The following CPEB3 variants were observed in gnomAD, a reference collection of about 807,000 sequenced individuals.
The protein encoded by CPEB3 is cytoplasmic polyadenylation element binding protein 3.
A neutral mutation model predicts 67.2 loss-of-function variants in CPEB3; 20 were observed. That is an observed-to-expected ratio of 0.30 (90% CI 0.21 to 0.43). The LOEUF (loss-of-function observed/expected upper bound fraction) is 0.43, where lower values mean the gene tolerates loss of function less well. Among genes scored for constraint, CPEB3 ranks in the 20% least tolerant of loss-of-function variants. The pLI is 1.00. For synonymous variants in CPEB3, 376 were observed against 393.1 expected, an observed-to-expected ratio of 0.96 and a Z score of 0.51; for missense variants, 746 against 968.6, an observed-to-expected ratio of 0.77 and a Z score of 3.05.
At chr10:92,243,659 G>C (rs977379497) in intron 1 of CPEB3, among the ~76,000 whole-genome samples, 1 of 152,006 alleles carries the variant, frequency 6.6e-6, no homozygotes, top group African/African-American at 2.4e-5. Context: ...GCAAGGGAGG[G>C]GGAACTACTG....
intron 2 of CPEB3, among the ~76,000 whole-genome samples, chr10:92,230,019 C>T (rs1316792905): frequency 6.6e-6 from 1 of 151,864 alleles, no homozygotes; most frequent in East Asian, 1.9e-4. Context: ...GCACTCCAGC[C>T]TAGGCAACGA....
In CPEB3 at chr10:92,091,891, A is replaced by C; in HGVS notation, c.1626T>G (p.Ser542=). The C allele has an allele frequency of 6.2e-7, 1 of 1,613,976 alleles. No individual in the cohort carries two copies. Among genetic ancestry groups the C allele is most frequent in the Non-Finnish European group, 8.5e-7 (1 of 1,179,968 alleles). Residue 542 remains serine, a synonymous_variant, in exon 8 of 10, where the codon TCT becomes TCG. Transcript: ENST00000265997. ...LSDSDFVMDG[S]QPLDPRKTIF... ...TAGTTTTTCTGGGGTCCAAAGGCTG[A>C]GAACCATCCATTACAAAGTCACTGT...
At chr10:92,098,043 C>T (rs1037239208) in intron 7 of CPEB3, among the ~76,000 whole-genome samples, 1 of 151,162 alleles carries the variant, frequency 6.6e-6, no homozygotes, top group East Asian at 2.0e-4. Context: ...TGCCTGTAAT[C>T]CCAGCTACTT....
At chr10:92,248,032 T>C (rs558105023) in intron 1 of CPEB3, among the ~76,000 whole-genome samples, 1 of 152,304 alleles carries the variant, frequency 6.6e-6, no homozygotes, top group Non-Finnish European at 1.5e-5. Context: ...ATAAAAATAC[T>C]TCACAGAATT....
chr10:92,131,673 G>A (rs141543491), intron 6 of CPEB3, among the ~76,000 whole-genome samples: 86 of 152,218 alleles, frequency 5.6e-4, no homozygotes, highest in African/African-American at 2.1e-3. Flanking sequence ...TAACTAACTA[G>A]GGCTACAAAT....
At chr10:92,058,552 AATACATACATACATAC>A (rs58987766) in intron 9 of CPEB3, among the ~76,000 whole-genome samples, 15 of 138,688 alleles carry the variant, frequency 1.1e-4, no homozygotes, top group Admixed American at 5.2e-4. Context: ...CCATCTCAAA[AATACATACATACATAC>A]ATACATACAT....
At position 92,239,683 on chromosome 10, in the gene CPEB3, G is replaced by T; in HGVS notation, c.668C>A (p.Ser223Tyr). 6.4e-7 allele frequency: 1 copy of T among 1,569,960 alleles called. No homozygotes were observed. Among genetic ancestry groups the T allele is most frequent in the Non-Finnish European group, 8.6e-7 (1 of 1,161,304 alleles). Residue 223 changes from serine to tyrosine, a missense_variant, in exon 2 of 10, where the codon TCT becomes TAT. By Grantham distance (144) the Ser-to-Tyr change is moderately radical (BLOSUM62 -2). This residue lies in a region of CPEB3 where 643 missense variants were observed against 717.5 expected (regional missense o/e 0.90). Transcript: ENST00000265997. The surrounding 1 kb of genome is among the most constrained non-coding windows in gnomAD (Gnocchi z 6.0). ...GGCAGCAGCGGCTGCAACCGCCGAA[G>T]ACGAGGACGGCTTGCTGGTCATGAT... ...QPIMTSKPSS[S>Y]SAVAAAAAAA...
At chr10:92,055,951 G>C (rs1408392594) in intron 9 of CPEB3, among the ~76,000 whole-genome samples, 1 of 152,228 alleles carries the variant, frequency 6.6e-6, no homozygotes, top group Non-Finnish European at 1.5e-5. Context: ...CCAAGAGATA[G>C]AAGCTGCAGT....
chr10:92,065,361 C>T (rs190823503), intron 9 of CPEB3, among the ~76,000 whole-genome samples: 9 of 152,288 alleles, frequency 5.9e-5, no homozygotes, highest in African/African-American at 1.7e-4. Context: ...GCTGGAATTA[C>T]AGGCATGTGC....
chr10:92,067,388 T>C (rs1842593063), intron 9 of CPEB3, among the ~76,000 whole-genome samples: 1 of 151,526 alleles, frequency 6.6e-6, no homozygotes, highest in Non-Finnish European at 1.5e-5. Flanking sequence ...TAGTCCCAGC[T>C]ACTTGGGAGG....
At position 92,048,134 on chromosome 10, in the gene CPEB3, A is replaced by G. The variant is rs1852164189; in HGVS notation, c.*4078T>C. 1 of 152,316 alleles carries G rather than the reference A, an allele frequency of 6.6e-6. No homozygotes were observed. Among genetic ancestry groups the G allele is most frequent in the Non-Finnish European group, 1.5e-5 (1 of 68,104 alleles). The allele number at this position is 152,316 out of a possible 1,614,324, so 9.4% of individuals were successfully genotyped here. On this transcript the variant is annotated 3_prime_UTR_variant, in exon 10 of 10. Transcript: ENST00000265997. The surrounding 1 kb of genome is among the most constrained non-coding windows in gnomAD (Gnocchi z 4.1). ...GCAACCCGACACATAGTCAGGGTCC[A>G]CAGACAGTGGTGACATCCGAGTGTG...
intron 7 of CPEB3, among the ~76,000 whole-genome samples, chr10:92,108,585 A>G (rs559282898): frequency 6.6e-6 from 1 of 152,324 alleles, no homozygotes; most frequent in Non-Finnish European, 1.5e-5. Context: ...TTCCTATCCT[A>G]AGTTTTACTA....
At chr10:92,158,457 AC>A (rs945776837) in intron 4 of CPEB3, among the ~76,000 whole-genome samples, 1 of 152,178 alleles carries the variant, frequency 6.6e-6, no homozygotes, top group African/African-American at 2.4e-5. Flanking sequence ...ATTCTAAATA[AC>A]TAAAAACTGT....
intron 3 of CPEB3, among the ~76,000 whole-genome samples, chr10:92,184,664 T>C (rs1410609784): frequency 6.6e-6 from 1 of 152,160 alleles, no homozygotes; most frequent in Non-Finnish European, 1.5e-5. Context: ...CAGAATCAAT[T>C]ATCTAAATAT....
Position 92,050,568 on chromosome 10 carries a change from G to A in CPEB3, c.*1644C>T, listed in dbSNP as rs1564737959. 2.6e-5 allele frequency: 4 copies of A among 152,320 alleles called. No homozygotes were observed. 9.4% of individuals were successfully genotyped at this position (152,320 alleles called of 1,614,324 possible). On this transcript the variant is annotated 3_prime_UTR_variant, in exon 10 of 10. Coordinates refer to ENST00000265997, the MANE Select transcript of CPEB3 (RefSeq NM_014912.5). ...GCCCAAGGGTGAATGCTAGAAAAAT[G>A]TCCACGCTAGTGCTAGCAGGCCTTC...
At chr10:92,283,270 T>C (rs1487504568) in intron 1 of CPEB3, among the ~76,000 whole-genome samples, 1 of 151,574 alleles carries the variant, frequency 6.6e-6, no homozygotes, top group Admixed American at 6.6e-5. Flanking sequence ...AAAATAAAAA[T>C]CCCCTAAATC....
At chr10:92,162,770 T>C (rs1378509833) in intron 4 of CPEB3, among the ~76,000 whole-genome samples, 2 of 152,310 alleles carry the variant, frequency 1.3e-5, no homozygotes, top group Admixed American at 1.3e-4. Context: ...TGACTTGGCC[T>C]GCACTAAGTT....
At chr10:92,105,732 T>TTTC (rs1270795899) in intron 7 of CPEB3, among the ~76,000 whole-genome samples, 1 of 148,206 alleles carries the variant, frequency 6.7e-6, no homozygotes, top group South Asian at 2.2e-4. Flanking sequence ...TTTTTTTTTT[T>TTTC]TTTCTGAGAC....
chr10:92,060,360 T>C (rs1842294230), intron 9 of CPEB3, among the ~76,000 whole-genome samples: 1 of 151,930 alleles, frequency 6.6e-6, no homozygotes, highest in Non-Finnish European at 1.5e-5. Flanking sequence ...AAAATATATA[T>C]ATAAATCAAA....
Sources: gnomAD v4.1 joint callset for allele counts (sites outside exome capture counted in the v4.1 genomes callset) on GRCh38, gnomAD v4.1.1 for gene constraint, gnomAD v4.1.1 regional missense constraint, Gnocchi (gnomAD v3.1) non-coding constraint, MANE v1.5 for transcripts, NCBI Gene and HGNC (gene_info 2026-07-23, HGNC 2026-07-21) for gene names.